The following ARHGAP6 variants were observed in gnomAD, a reference collection of about 807,000 sequenced individuals.
The protein encoded by ARHGAP6 is rho GTPase-activating protein 6.
In ARHGAP6, 16 loss-of-function variants were observed where a neutral mutation model predicts 55.7. That is an observed-to-expected ratio of 0.29 (90% CI 0.19 to 0.44). ARHGAP6 has a LOEUF of 0.44. Among genes scored for constraint, ARHGAP6 ranks in the 20% least tolerant of loss-of-function variants. The pLI, the probability that ARHGAP6 is intolerant of heterozygous loss-of-function variation, is 1.00. For missense variants in ARHGAP6, 698 were observed against 808.9 expected (o/e 0.86, Z 1.66); for synonymous variants, 382 against 360.9 (o/e 1.06, Z -0.66).
rs182361145 is a variant in ARHGAP6, at chrX:11,608,804, G to A, written c.588+55437C>T. 1.8e-3 allele frequency among the ~76,000 whole-genome samples: 203 copies of A among 111,593 alleles called. No homozygotes were observed. The South Asian group carries it at 0.024, about 13-fold the overall frequency. On this transcript the variant is annotated intron_variant, in intron 1 of 12. Coordinates refer to ENST00000337414, the MANE Select transcript of ARHGAP6 (RefSeq NM_013427.3). ...CATTTGCTCTTGCTGCTGCCATGTAGGAAGTGCCTTTCACTTCCCACCATG... is the reference window on the plus strand; with the variant it reads ...CATTTGCTCTTGCTGCTGCCATGTAAGAAGTGCCTTTCACTTCCCACCATG...
At chrX:11,469,977 A>G (rs1388926607) in intron 1 of ARHGAP6, among the ~76,000 whole-genome samples, 1 of 111,299 alleles carries the variant, frequency 9.0e-6, no homozygotes, top group African/African-American at 3.3e-5. Context: ...TTTCACCATG[A>G]TGAATAGAAC....
At chrX:11,468,226 T>C (rs2050314615) in intron 1 of ARHGAP6, among the ~76,000 whole-genome samples, 1 of 111,420 alleles carries the variant, frequency 9.0e-6, no homozygotes, top group African/African-American at 3.3e-5. Context: ...CATTTATAAT[T>C]TGTATACTTT....
intron 2 of ARHGAP6, among the ~76,000 whole-genome samples, chrX:11,203,556 T>C (rs1019809599): frequency 9.0e-6 from 1 of 111,684 alleles, no homozygotes; most frequent in Non-Finnish European, 1.9e-5. Context: ...TAATAGCACC[T>C]CTTCACTCTC....
At chrX:11,296,734 C>T in intron 1 of ARHGAP6, 1 of 1,148,688 alleles carries the variant, frequency 8.7e-7, no homozygotes, top group Non-Finnish European at 1.2e-6. Flanking sequence ...TTCACTCTCT[C>T]CCTTCCTCTC....
intron 1 of ARHGAP6, among the ~76,000 whole-genome samples, chrX:11,489,839 C>G (rs1387439438): frequency 1.8e-5 from 2 of 111,379 alleles, no homozygotes; most frequent in African/African-American, 6.5e-5. Context: ...GTGACTTGAC[C>G]ATAGAGAAAA....
chrX:11,358,612 T>C (rs1212337311), intron 1 of ARHGAP6, among the ~76,000 whole-genome samples: 1 of 109,959 alleles, frequency 9.1e-6, no homozygotes, highest in African/African-American at 3.3e-5. Flanking sequence ...CCCGAGTAGC[T>C]GGGATTACAG....
At chrX:11,499,748 G>A (rs1181090582) in intron 1 of ARHGAP6, among the ~76,000 whole-genome samples, 1 of 112,129 alleles carries the variant, frequency 8.9e-6, no homozygotes, top group Non-Finnish European at 1.9e-5. Context: ...AAGGGACTCT[G>A]ATCCTTGCCT....
chrX:11,509,098 C>T (rs773534298), intron 1 of ARHGAP6, among the ~76,000 whole-genome samples: 2 of 111,763 alleles, frequency 1.8e-5, no homozygotes, highest in African/African-American at 3.3e-5. Context: ...GATCGATCTA[C>T]TTACAGTGTT....
At position 11,194,595 on chromosome X, in the gene ARHGAP6, G is replaced by A. The variant is rs182858361; in HGVS notation, c.820+2330C>T. On this transcript the variant is annotated intron_variant, in intron 3 of 12. Transcript: ENST00000337414. Reference sequence around the variant, plus strand: ...TGAAGATATTTGGGTTGAGGGTGGTGTCACTGGCATCTAATGAGTAGAGGC... The same window carrying A: ...TGAAGATATTTGGGTTGAGGGTGGTATCACTGGCATCTAATGAGTAGAGGC... 4.5e-4 allele frequency among the ~76,000 whole-genome samples: 50 copies of A among 111,806 alleles called. No homozygotes were observed. The East Asian group carries it at 0.012, about 28-fold the overall frequency.
intron 1 of ARHGAP6, among the ~76,000 whole-genome samples, chrX:11,610,895 A>T (rs927555342): frequency 1.8e-5 from 2 of 112,275 alleles, no homozygotes; most frequent in African/African-American, 6.5e-5. Flanking sequence ...TGCCTGTCCT[A>T]GGCATTTCAT....
chrX:11,193,913 C>G (rs763119321), intron 3 of ARHGAP6, among the ~76,000 whole-genome samples: 1 of 112,793 alleles, frequency 8.9e-6, no homozygotes, highest in South Asian at 3.6e-4. Flanking sequence ...GTTGAGGGAA[C>G]CTCCTGCAAA....
At chrX:11,154,291 G>A (rs1248831155) in intron 10 of ARHGAP6, among the ~76,000 whole-genome samples, 2 of 111,715 alleles carry the variant, frequency 1.8e-5, no homozygotes, top group African/African-American at 6.5e-5. Flanking sequence ...TCTTGGTCTA[G>A]GGTCTGCTCA....
chrX:11,634,019 A>G (rs1601715884), intron 1 of ARHGAP6, among the ~76,000 whole-genome samples: 1 of 110,439 alleles, frequency 9.1e-6, no homozygotes, highest in Non-Finnish European at 1.9e-5. Context: ...ACTGAAAAGC[A>G]TTCTCCTATG....
At chrX:11,546,158 A>T (rs2147078692) in intron 1 of ARHGAP6, among the ~76,000 whole-genome samples, 1 of 110,769 alleles carries the variant, frequency 9.0e-6, no homozygotes, top group African/African-American at 3.3e-5. Context: ...ATATATATAT[A>T]TATTTGGCAA....
intron 1 of ARHGAP6, among the ~76,000 whole-genome samples, chrX:11,644,225 C>T (rs912779251): frequency 9.0e-6 from 1 of 110,824 alleles, no homozygotes; most frequent in African/African-American, 3.3e-5. Context: ...TTCAAAACCA[C>T]ATAATGGAGC....
chrX:11,632,631 T>C (rs925574418), intron 1 of ARHGAP6, among the ~76,000 whole-genome samples: 1 of 112,509 alleles, frequency 8.9e-6, no homozygotes, highest in African/African-American at 3.2e-5. Flanking sequence ...ATGGTCACAG[T>C]GTAAAGAACA....
chrX:11,296,796 G>C (rs1249287917), intron 1 of ARHGAP6: 1 of 1,207,955 alleles, frequency 8.3e-7, no homozygotes, highest in Non-Finnish European at 1.1e-6. Flanking sequence ...CTCATCCTGG[G>C]CACCCTGGTT....
chrX:11,174,506 ATTCT>A (rs201610556), intron 8 of ARHGAP6, among the ~76,000 whole-genome samples: 113 of 99,897 alleles, frequency 1.1e-3, no homozygotes, highest in Middle Eastern at 5.0e-3. Flanking sequence ...TCCCAAGGCC[ATTCT>A]TTCTTTCTTT....
intron 1 of ARHGAP6, among the ~76,000 whole-genome samples, chrX:11,490,780 C>T (rs766856970): frequency 8.9e-6 from 1 of 112,021 alleles, no homozygotes; most frequent in Non-Finnish European, 1.9e-5. Context: ...TGTCACTTTT[C>T]AAATAATGGG....
Sources: allele counts gnomAD v4.1 joint callset (sites outside exome capture counted in the v4.1 genomes callset), GRCh38; gene constraint gnomAD v4.1.1; transcripts MANE v1.5; gene names NCBI Gene and HGNC (gene_info 2026-07-23, HGNC 2026-07-21).